Variants in PC observed in about 807,000 individuals in gnomAD.
The protein encoded by PC is pyruvate carboxylase, also known as pyruvate carboxylase, mitochondrial.
A neutral mutation model predicts 107.8 loss-of-function variants in PC; 46 were observed. That is an observed-to-expected ratio of 0.43 (90% CI 0.34 to 0.55). PC has a LOEUF of 0.55. Among genes scored for constraint, PC ranks in the 20% least tolerant of loss-of-function variants. The pLI, the probability that PC is intolerant of heterozygous loss-of-function variation, is 0.04. For missense variants in PC, 1,241 were observed against 1,643.1 expected (o/e 0.76, Z 4.23); for synonymous variants, 662 against 684.7 (o/e 0.97, Z 0.52).
At chr11:66,942,803 G>A (rs930176116) in intron 3 of PC, among the ~76,000 whole-genome samples, 1 of 151,696 alleles carries the variant, frequency 6.6e-6, no homozygotes, top group Non-Finnish European at 1.5e-5. Context: ...ACCTGAAGTC[G>A]GGAGTTTGAG....
chr11:66,848,948 G>A lies in PC; in HGVS notation c.3488C>T (p.Thr1163Ile). The A allele has an allele frequency of 6.2e-7, 1 of 1,614,012 alleles. No homozygotes were observed. The highest frequency in any genetic ancestry group is 1.3e-5 in the African/African-American group (1 of 75,058). The change falls in exon 23 of 23, where the codon ACC (threonine) becomes ATC (isoleucine). Residue 1163 changes from threonine to isoleucine, a missense_variant. Physicochemically the swap from Thr to Ile is moderately conservative, Grantham distance 89 (BLOSUM62 -1). This residue lies in a region of PC where 98 missense variants were observed against 91.2 expected (regional missense o/e 1.07). Coordinates refer to ENST00000393960, the MANE Select transcript of PC (RefSeq NM_001040716.2). Reference protein sequence around the residue: ...MEGTVRKVHVTKDMTLEGDDL... With the variant: ...MEGTVRKVHVIKDMTLEGDDL... ...GTCACCTTCCAGTGTCATGTCCTTG[G>A]TCACATGAACCTTGCGGACAGTACC...
chr11:66,914,774 C>T (rs1439864920), intron 3 of PC, among the ~76,000 whole-genome samples: 1 of 152,108 alleles, frequency 6.6e-6, no homozygotes, highest in East Asian at 1.9e-4. Flanking sequence ...GTGGCTCATA[C>T]CTGTAATCCT....
At chr11:66,909,415 A>T (rs184506115) in intron 3 of PC, among the ~76,000 whole-genome samples, 40 of 152,326 alleles carry the variant, frequency 2.6e-4, no homozygotes, top group Admixed American at 2.5e-3. Flanking sequence ...CATGCAGGAC[A>T]TGATCTTCGG....
intron 3 of PC, among the ~76,000 whole-genome samples, chr11:66,894,107 C>A (rs1947666242): frequency 6.6e-6 from 1 of 152,152 alleles, no homozygotes; most frequent in South Asian, 2.1e-4. Flanking sequence ...CTAGGGATAG[C>A]TAGCATCCCC....
Position 66,858,633 on chromosome 11 carries a change from C to A in PC, c.1368+5141G>T. ...GCGCCTCTGGGTGCTGGAAGGCCAGCGGGCCACGCTGCGGTGCCGGGCCCT... is the reference window on the plus strand; with the variant it reads ...GCGCCTCTGGGTGCTGGAAGGCCAGAGGGCCACGCTGCGGTGCCGGGCCCT... On this transcript the variant is annotated intron_variant, in intron 12 of 22. Coordinates refer to ENST00000393960, the MANE Select transcript of PC (RefSeq NM_001040716.2). The surrounding 1 kb of genome is among the most constrained non-coding windows in gnomAD (Gnocchi z 5.9). The A allele has an allele frequency of 1.3e-6, 2 of 1,537,648 alleles. No homozygotes were observed. The highest frequency in any genetic ancestry group is 1.7e-6 in the Non-Finnish European group (2 of 1,143,836).
rs1294881093 is a variant in PC at position 66,849,670 on chromosome 11, G to A, written c.3088C>T (p.Leu1030=). The A allele has an allele frequency of 2.5e-6, 4 of 1,614,190 alleles. No homozygotes were observed. Among genetic ancestry groups the A allele is most frequent in the Non-Finnish European group, 3.4e-6 (4 of 1,180,034 alleles). The change falls in exon 21 of 23, where the codon CTG becomes TTG. Residue 1030 remains leucine, a synonymous_variant. Transcript: ENST00000393960. Reference sequence around the variant, plus strand: ...AAGAGGCGAGTATTCAGGCTATCCAGGGGGCCAAAGGTGGCAGTGAAGTCC... The same window carrying A: ...AAGAGGCGAGTATTCAGGCTATCCAAGGGGCCAAAGGTGGCAGTGAAGTCC... ...FKDFTATFGP[L]DSLNTRLFLQ... is the part of the protein sequence containing the mutation.
intron 3 of PC, among the ~76,000 whole-genome samples, chr11:66,901,087 C>A (rs1947940565): frequency 6.6e-6 from 1 of 152,196 alleles, no homozygotes; most frequent in Non-Finnish European, 1.5e-5. Flanking sequence ...CCTAGGATGC[C>A]AGAGCTCTCA....
chr11:66,950,568 C>A (rs932175248), intron 3 of PC, among the ~76,000 whole-genome samples: 1 of 152,178 alleles, frequency 6.6e-6, no homozygotes, highest in Non-Finnish European at 1.5e-5. Flanking sequence ...CAAGCTTAGA[C>A]TACAGAGCCT....
chr11:66,921,861 T>C (rs763231997), intron 3 of PC, among the ~76,000 whole-genome samples: 16 of 152,192 alleles, frequency 1.1e-4, no homozygotes. Context: ...AAACAGCAGA[T>C]CCAAAACCAC....
At chr11:66,953,540 C>T (rs953031482) in intron 2 of PC, among the ~76,000 whole-genome samples, 2 of 152,196 alleles carry the variant, frequency 1.3e-5, no homozygotes, top group Non-Finnish European at 2.9e-5. Flanking sequence ...ACCCTAGCCA[C>T]TAGTCAATGA....
chr11:66,941,508 T>C (rs1216639466), intron 3 of PC, among the ~76,000 whole-genome samples: 2 of 152,182 alleles, frequency 1.3e-5, no homozygotes, highest in South Asian at 2.1e-4. Context: ...TTCTTTTTTT[T>C]TGAGGCAGAG....
At chr11:66,903,049 G>A (rs1449102243) in intron 3 of PC, among the ~76,000 whole-genome samples, 1 of 152,198 alleles carries the variant, frequency 6.6e-6, no homozygotes, top group Non-Finnish European at 1.5e-5. Context: ...CACATTAGCA[G>A]GGGGGTGTTC....
rs901013328 is a variant in PC at position 66,858,098 on chromosome 11, C to T, written c.1369-4715G>A. The T allele has an allele frequency of 1.9e-6, 3 of 1,609,660 alleles. No individual in the cohort carries two copies. Among genetic ancestry groups the T allele is most frequent in the Non-Finnish European group, 2.5e-6 (3 of 1,178,374 alleles). On this transcript the variant is annotated intron_variant, in intron 12 of 22. Coordinates refer to ENST00000393960, the MANE Select transcript of PC (RefSeq NM_001040716.2). The surrounding 1 kb of genome is among the most constrained non-coding windows in gnomAD (Gnocchi z 5.9). Reference sequence around the variant, plus strand: ...AGCTGGGCACCGGGAGCCTCCGGGGCCCCGTCAATCTGCAGCACCTCATCC... The same window carrying T: ...AGCTGGGCACCGGGAGCCTCCGGGGTCCCGTCAATCTGCAGCACCTCATCC...
chr11:66,873,018 A>G (rs1388968880), intron 3 of PC, among the ~76,000 whole-genome samples: 1 of 144,140 alleles, frequency 6.9e-6, no homozygotes, highest in Non-Finnish European at 1.5e-5. Flanking sequence ...CCTGGGTGAC[A>G]TCAAGACTCT....
At chr11:66,865,243 T>C (rs762127718) in intron 11 of PC, among the ~76,000 whole-genome samples, 5 of 150,478 alleles carry the variant, frequency 3.3e-5, no homozygotes, top group Non-Finnish European at 5.9e-5. Flanking sequence ...CAGCCTCCCT[T>C]GTCTCAGAAG....
At chr11:66,944,273 TCC>T (rs1318069388) in intron 3 of PC, among the ~76,000 whole-genome samples, 10 of 103,698 alleles carry the variant, frequency 9.6e-5, no homozygotes, top group East Asian at 3.0e-4. Flanking sequence ...AGAGCAAGAC[TCC>T]GTCTCAGAAA....
chr11:66,853,462 A>G, intron 12 of PC, 79 bp from the exon 13 acceptor site: 6 of 1,561,540 alleles, frequency 3.8e-6, no homozygotes, highest in Non-Finnish European at 5.3e-6. Context: ...CTGAAAGAGA[A>G]AAGGCTGAAG....
rs747806908 is a variant in PC, at chr11:66,860,149, G to A, written c.1368+3625C>T. Reference sequence around the variant, plus strand: ...GGGGGGCTGCTCGGGGCAGGGTGCCGGGGGGTAGGAGGCAGCGCCGAGCGG... The same window carrying A: ...GGGGGGCTGCTCGGGGCAGGGTGCCAGGGGGTAGGAGGCAGCGCCGAGCGG... On this transcript the variant is annotated intron_variant, in intron 12 of 22. Coordinates refer to ENST00000393960, the MANE Select transcript of PC (RefSeq NM_001040716.2). 1.2e-5 allele frequency: 18 copies of A among 1,548,406 alleles called. No homozygotes were observed. The highest frequency in any genetic ancestry group is 7.3e-5 in the East Asian group (3 of 41,066).
intron 3 of PC, among the ~76,000 whole-genome samples, chr11:66,912,774 C>T (rs748052023): frequency 2.0e-5 from 3 of 152,140 alleles, no homozygotes; most frequent in Non-Finnish European, 2.9e-5. Context: ...GGGAAGAGGA[C>T]GGCAAATACT....
Sources: gnomAD v4.1 joint callset for allele counts (sites outside exome capture counted in the v4.1 genomes callset) on GRCh38, gnomAD v4.1.1 for gene constraint, gnomAD v4.1.1 regional missense constraint, Gnocchi (gnomAD v3.1) non-coding constraint, MANE v1.5 for transcripts, NCBI Gene and HGNC (gene_info 2026-07-23, HGNC 2026-07-21) for gene names.